The following ZNF654 variants were observed in gnomAD, a reference collection of about 807,000 sequenced individuals.
ZNF654 encodes zinc finger protein 654, also known as melanoma-associated antigen.
A neutral mutation model predicts 95.3 loss-of-function variants in ZNF654; 19 were observed. That is an observed-to-expected ratio of 0.20 (90% CI 0.14 to 0.29). The LOEUF is 0.29. ZNF654 is among the 10% of genes least tolerant of loss of function. The probability of loss-of-function intolerance (pLI) is 1.00; values close to 1 mark genes in which losing one functional copy is unlikely to be tolerated. For synonymous variants in ZNF654, 413 were observed against 457.9 expected, an observed-to-expected ratio of 0.90 and a Z score of 1.25; for missense variants, 1,046 against 1,341.0, an observed-to-expected ratio of 0.78 and a Z score of 3.44.
At chr3:88,069,542 G>A (rs1370080527) in intron 1 of ZNF654, among the ~76,000 whole-genome samples, 2 of 152,196 alleles carry the variant, frequency 1.3e-5, no homozygotes, top group Admixed American at 1.3e-4. Flanking sequence ...ACTTATCGAA[G>A]TTATAACTAC....
intron 8 of ZNF654, 42 bp downstream of exon 8, chr3:88,141,090 GA>G: frequency 6.5e-7 from 1 of 1,529,794 alleles, no homozygotes. Flanking sequence ...TGTAGAAAGA[GA>G]AAATGGCATA....
chr3:88,106,390 T>A lies in ZNF654; in HGVS notation c.333-6725T>A, dbSNP rs541890704. Among the ~76,000 whole-genome samples the A allele has an allele frequency of 3.9e-4, 60 of 152,326 alleles. No individual in the cohort carries two copies. In the South Asian group the frequency reaches 0.012, roughly 31 times the overall value. Reference sequence around the variant, plus strand: ...TCTCACTCTGTCACCCAGGCTGGATTGCAGTGGTGTGATCTCGGCTCACTG... The same window carrying A: ...TCTCACTCTGTCACCCAGGCTGGATAGCAGTGGTGTGATCTCGGCTCACTG... On this transcript the variant is annotated intron_variant, in intron 2 of 8. Coordinates refer to ENST00000636215, the MANE Select transcript of ZNF654 (RefSeq NM_001350134.2).
At position 88,144,014 on chromosome 3, in the gene ZNF654, T is replaced by C. The variant is rs1463260644; in HGVS notation, c.*2362T>C. 6.6e-6 allele frequency: 1 copy of C among 152,352 alleles called. No individual in the cohort carries two copies. The highest frequency in any genetic ancestry group is 2.4e-5 in the African/African-American group (1 of 41,426). 9.4% of individuals were successfully genotyped at this position (152,352 alleles called of 1,614,324 possible). A position where few individuals can be genotyped will look rare whatever the true frequency, so the allele number is the denominator to read the frequency against. ...CCTCAGATTCTTCTTTTTTTCTGTTTTGAGGATGTATTCATCCTACATGGA... is the reference window on the plus strand; with the variant it reads ...CCTCAGATTCTTCTTTTTTTCTGTTCTGAGGATGTATTCATCCTACATGGA... On this transcript the variant is annotated 3_prime_UTR_variant, in exon 9 of 9. Coordinates refer to ENST00000636215, the MANE Select transcript of ZNF654 (RefSeq NM_001350134.2).
chr3:88,066,269 AT>A (rs2107598166), intron 1 of ZNF654, among the ~76,000 whole-genome samples: 1 of 152,308 alleles, frequency 6.6e-6, no homozygotes, highest in East Asian at 1.9e-4. Flanking sequence ...CACTCACTAC[AT>A]TGCTTCAGAA....
intron 6 of ZNF654, among the ~76,000 whole-genome samples, chr3:88,133,466 G>A (rs150075451): frequency 7.0e-4 from 106 of 152,194 alleles, no homozygotes; most frequent in Non-Finnish European, 8.7e-4. Context: ...TCAGTAAGAG[G>A]GATCTTTTCT....
At chr3:88,083,969 A>ATATAT (rs1708217409) in intron 1 of ZNF654, among the ~76,000 whole-genome samples, 3 of 108,824 alleles carry the variant, frequency 2.8e-5, no homozygotes, top group African/African-American at 9.7e-5. Flanking sequence ...ATATATATAG[A>ATATAT]AAATATTTCA....
chr3:88,068,204 T>C, intron 1 of ZNF654, among the ~76,000 whole-genome samples: 1 of 152,012 alleles, frequency 6.6e-6, no homozygotes, highest in Non-Finnish European at 1.5e-5. Flanking sequence ...AGTATGTACC[T>C]TTGTTCATCA....
intron 1 of ZNF654, among the ~76,000 whole-genome samples, chr3:88,072,393 C>CA (rs1221395960): frequency 1.6e-4 from 24 of 152,130 alleles, no homozygotes; most frequent in African/African-American, 5.8e-4. Flanking sequence ...GAGTCAAAGC[C>CA]AAAATCCTTA....
chr3:88,106,451 C>T (rs1312101160), intron 2 of ZNF654, among the ~76,000 whole-genome samples: 1 of 152,058 alleles, frequency 6.6e-6, no homozygotes, highest in Admixed American at 6.6e-5. Flanking sequence ...AGTTCTCCTG[C>T]CTCAGCCTCA....
intron 1 of ZNF654, among the ~76,000 whole-genome samples, chr3:88,066,276 C>T (rs754292606): frequency 3.3e-5 from 5 of 152,152 alleles, no homozygotes; most frequent in African/African-American, 4.8e-5. Flanking sequence ...TACATTGCTT[C>T]AGAAAATCTA....
rs57873192 is a variant in ZNF654 at position 88,142,020 on chromosome 3, TG to T, written c.*372del. On this transcript the variant is annotated 3_prime_UTR_variant, in exon 9 of 9. Coordinates refer to ENST00000636215, the MANE Select transcript of ZNF654 (RefSeq NM_001350134.2). ...TTAACCCATTATTAAAAAGTGTGTG[TG>T]GGGAGGGGGGCTGGTTTACAATATT... 123,119 of 172,924 alleles carry T rather than the reference TG, an allele frequency of 0.71. 47,858 individuals carry two copies. Among genetic ancestry groups the T allele is most frequent in the South Asian group, 0.89 (4,650 of 5,200 alleles). 10.7% of individuals were successfully genotyped at this position (172,924 alleles called of 1,614,324 possible). A position where few individuals can be genotyped will look rare whatever the true frequency, so the allele number is the denominator to read the frequency against.
intron 2 of ZNF654, among the ~76,000 whole-genome samples, chr3:88,098,015 A>C (rs1480197447): frequency 6.6e-6 from 1 of 152,210 alleles, no homozygotes; most frequent in Non-Finnish European, 1.5e-5. Context: ...AGACATAAAA[A>C]ACCCTTCAAA....
intron 2 of ZNF654, among the ~76,000 whole-genome samples, chr3:88,097,291 A>G (rs1704120270): frequency 1.3e-5 from 2 of 152,158 alleles, no homozygotes; most frequent in Non-Finnish European, 2.9e-5. Context: ...TTTCCTCTGT[A>G]AAGGTTGAAC....
intron 2 of ZNF654, among the ~76,000 whole-genome samples, chr3:88,091,907 C>T (rs527824280): frequency 1.9e-4 from 29 of 152,282 alleles, no homozygotes; most frequent in South Asian, 1.2e-3. Context: ...GACCCAGTCT[C>T]GGGTATTTCT....
chr3:88,128,030 T>A (rs1706223616), intron 4 of ZNF654, among the ~76,000 whole-genome samples: 1 of 152,162 alleles, frequency 6.6e-6, no homozygotes, highest in Non-Finnish European at 1.5e-5. Flanking sequence ...GGATTCAAAA[T>A]CATAAAAATA....
intron 1 of ZNF654, among the ~76,000 whole-genome samples, chr3:88,075,039 T>A (rs1439175596): frequency 6.6e-6 from 1 of 152,250 alleles, no homozygotes; most frequent in African/African-American, 2.4e-5. Flanking sequence ...TCCTAATTTC[T>A]GTCTTTTTGC....
At chr3:88,064,315 C>CCT (rs2107590970) in intron 1 of ZNF654, among the ~76,000 whole-genome samples, 1 of 152,264 alleles carries the variant, frequency 6.6e-6, no homozygotes, top group African/African-American at 2.4e-5. Context: ...GACTATCTTA[C>CCT]TGTCTCACTA....
chr3:88,090,624 T>C (rs1012179460), intron 2 of ZNF654, among the ~76,000 whole-genome samples: 2 of 152,318 alleles, frequency 1.3e-5, no homozygotes, highest in Non-Finnish European at 2.9e-5. Flanking sequence ...TATTTCTACA[T>C]GAGTGTGTAG....
At chr3:88,100,775 A>C (rs1489198896) in intron 2 of ZNF654, among the ~76,000 whole-genome samples, 1 of 152,090 alleles carries the variant, frequency 6.6e-6, no homozygotes, top group Non-Finnish European at 1.5e-5. Flanking sequence ...ACACTTGGAC[A>C]CAGGAAGGGG....
Sources: gnomAD v4.1 joint callset for allele counts (sites outside exome capture counted in the v4.1 genomes callset) on GRCh38, gnomAD v4.1.1 for gene constraint, MANE v1.5 for transcripts, NCBI Gene and HGNC (gene_info 2026-07-23, HGNC 2026-07-21) for gene names.